CADPS2: variants seen among roughly 807,000 people sequenced by gnomAD.
CADPS2 encodes the protein calcium dependent secretion activator 2.
In CADPS2, 93 loss-of-function variants were observed where a neutral mutation model predicts 172.5. The observed-to-expected ratio is 0.54, with a 90% confidence interval of 0.46 to 0.64. The LOEUF (loss-of-function observed/expected upper bound fraction) is 0.64, where lower values mean the gene tolerates loss of function less well. Among genes scored for constraint, CADPS2 ranks in the 30% least tolerant of loss-of-function variants. The probability of loss-of-function intolerance (pLI) is 0.00; values close to 1 mark genes in which losing one functional copy is unlikely to be tolerated. For synonymous variants in CADPS2, 546 were observed against 555.2 expected (o/e 0.98, Z 0.23); for missense variants, 1,420 against 1,565.9 (o/e 0.91, Z 1.57).
At chr7:122,396,631 C>A (rs1342599897) in intron 20 of CADPS2, among the ~76,000 whole-genome samples, 2 of 152,126 alleles carry the variant, frequency 1.3e-5, no homozygotes, top group African/African-American at 2.4e-5. Context: ...TCCTGTGATA[C>A]AGTCATAATG....
intron 8 of CADPS2, among the ~76,000 whole-genome samples, chr7:122,540,682 G>A (rs2062819515): frequency 6.6e-6 from 1 of 151,934 alleles, no homozygotes; most frequent in Non-Finnish European, 1.5e-5. Context: ...AATTACCATG[G>A]GAAACATTAA....
At chr7:122,831,310 G>T (rs1170385340) in intron 1 of CADPS2, among the ~76,000 whole-genome samples, 1 of 152,130 alleles carries the variant, frequency 6.6e-6, no homozygotes, top group Non-Finnish European at 1.5e-5. Flanking sequence ...GTTCATTACT[G>T]GTGCTGTCAT....
intron 2 of CADPS2, chr7:122,699,131 CCTA>C: frequency 1.9e-6 from 1 of 521,602 alleles, no homozygotes. Context: ...AAATAAATCC[CCTA>C]CTGTTAACTC....
Position 122,388,693 on chromosome 7 carries a change from T to A in CADPS2, c.3054A>T (p.Ala1018=). The change falls in exon 23 of 30, where the codon GCA becomes GCT. Residue 1018 remains alanine, a synonymous_variant. Transcript: ENST00000449022. ...GCAGATCAAAGACAAACATTTGCAG[T>A]GCATCAAGCTTCCAAAAAAGGTCTT... The part of the protein sequence containing the change: ...TSEDLFWKLD[A]LQMFVFDLHW... 1 of 1,609,364 alleles carries A rather than the reference T, an allele frequency of 6.2e-7. No homozygotes were observed. Among genetic ancestry groups the A allele is most frequent in the Non-Finnish European group, 8.5e-7 (1 of 1,177,048 alleles).
At chr7:122,390,729 A>G (rs1018097539) in intron 22 of CADPS2, among the ~76,000 whole-genome samples, 6 of 152,138 alleles carry the variant, frequency 3.9e-5, no homozygotes, top group African/African-American at 1.4e-4. Context: ...TATGAAAAAA[A>G]TGTGAGTAGG....
rs1268015984 is a variant in CADPS2 at position 122,491,421 on chromosome 7, C to G, written c.1543-1G>C. 1 of 1,562,226 alleles carries G rather than the reference C, an allele frequency of 6.4e-7. No homozygotes were observed. Among genetic ancestry groups the G allele is most frequent in the Non-Finnish European group, 8.7e-7 (1 of 1,154,002 alleles). On this transcript the variant is annotated splice_acceptor_variant, in intron 9 of 29. Transcript: ENST00000449022. LOFTEE classifies it high-confidence loss of function. ...ACATAGCAAAGGTATATTGGCTAAC[C>G]TGCTCGAGAAAAAAAAAGTTTACAG...
chr7:122,885,543 G>A (rs1824115163), intron 1 of CADPS2, among the ~76,000 whole-genome samples: 1 of 152,110 alleles, frequency 6.6e-6, no homozygotes, highest in Non-Finnish European at 1.5e-5. Flanking sequence ...CTCTAGCTAA[G>A]AGAAGTACTC....
chr7:122,755,439 T>C (rs754343913), intron 1 of CADPS2, among the ~76,000 whole-genome samples: 1 of 152,158 alleles, frequency 6.6e-6, no homozygotes, highest in Non-Finnish European at 1.5e-5. Context: ...ATCAGCTATA[T>C]ATTATCAACA....
chr7:122,742,221 T>G (rs1003952762), intron 1 of CADPS2, among the ~76,000 whole-genome samples: 2 of 151,346 alleles, frequency 1.3e-5, no homozygotes, highest in Admixed American at 6.6e-5. Flanking sequence ...TGAAACCCCG[T>G]CTCTACTAAA....
At chr7:122,597,036 G>A (rs554775016) in intron 6 of CADPS2, among the ~76,000 whole-genome samples, 1 of 152,024 alleles carries the variant, frequency 6.6e-6, no homozygotes, top group Admixed American at 6.6e-5. Context: ...GTGAATGCCA[G>A]GCTCATTTTA....
chr7:122,701,741 T>G (rs1176626777), intron 2 of CADPS2: 2 of 863,892 alleles, frequency 2.3e-6, no homozygotes, highest in East Asian at 5.1e-5. Context: ...GAAGCTGAAA[T>G]TTTCTCTCTA....
chr7:122,416,031 C>A, intron 18 of CADPS2, 30 bp downstream of exon 18: 1 of 1,397,664 alleles, frequency 7.2e-7, no homozygotes, highest in Non-Finnish European at 9.8e-7. Context: ...TTACATATAG[C>A]TTTATACTAC....
Position 122,559,271 on chromosome 7 carries a change from A to G in CADPS2, c.1336-4582T>C, listed in dbSNP as rs114524118. 5.1e-3 allele frequency among the ~76,000 whole-genome samples: 777 copies of G among 152,256 alleles called. 6 individuals are homozygous for G. Among genetic ancestry groups the G allele is most frequent in the African/African-American group, 0.017 (717 of 41,552 alleles). ...CCAAACACTGTAACAGCGGCACCCTAGAAAAAAACACATGATTCCAATGCT... is the reference window on the plus strand; with the variant it reads ...CCAAACACTGTAACAGCGGCACCCTGGAAAAAAACACATGATTCCAATGCT... On this transcript the variant is annotated intron_variant, in intron 7 of 29. Transcript: ENST00000449022.
chr7:122,576,556 T>G (rs1412916747), intron 7 of CADPS2, among the ~76,000 whole-genome samples: 1 of 152,182 alleles, frequency 6.6e-6, no homozygotes, highest in African/African-American at 2.4e-5. Flanking sequence ...GTACATTCTT[T>G]GTAACATAAA....
chr7:122,537,980 A>T (rs1383783230), intron 8 of CADPS2, among the ~76,000 whole-genome samples: 2 of 151,894 alleles, frequency 1.3e-5, no homozygotes, highest in Non-Finnish European at 2.9e-5. Flanking sequence ...CATAAAATGC[A>T]AAAATTTAAA....
chr7:122,421,772 A>G (rs1043174964), intron 17 of CADPS2, among the ~76,000 whole-genome samples: 1 of 152,252 alleles, frequency 6.6e-6, no homozygotes, highest in African/African-American at 2.4e-5. Context: ...TGTAAGCAGT[A>G]TGTAAGAACA....
intron 2 of CADPS2, among the ~76,000 whole-genome samples, chr7:122,734,390 A>AAAAAAAAAAAAAAAAAACAC: frequency 1.1e-5 from 1 of 90,464 alleles, no homozygotes; most frequent in Non-Finnish European, 2.5e-5. Flanking sequence ...AAAAAAAGAA[A>AAAAAAAAAAAAAAAAAACAC]AAAAAAAAAG....
At chr7:122,723,144 C>T (rs1054126603) in intron 2 of CADPS2, among the ~76,000 whole-genome samples, 2 of 152,112 alleles carry the variant, frequency 1.3e-5, no homozygotes, top group African/African-American at 4.8e-5. Context: ...TCTAAAACAA[C>T]AAAAGCAATG....
At chr7:122,747,015 C>G (rs1467360684) in intron 1 of CADPS2, among the ~76,000 whole-genome samples, 1 of 152,078 alleles carries the variant, frequency 6.6e-6, no homozygotes, top group African/African-American at 2.4e-5. Context: ...TGATAATAGC[C>G]TCTAATGGTC....
Sources: gnomAD v4.1 joint callset for allele counts (sites outside exome capture counted in the v4.1 genomes callset) on GRCh38, gnomAD v4.1.1 for gene constraint, MANE v1.5 for transcripts, NCBI Gene and HGNC (gene_info 2026-07-23, HGNC 2026-07-21) for gene names.